The following ATP8A2 variants were observed in gnomAD, a reference collection of about 807,000 sequenced individuals.
The protein encoded by ATP8A2 is ATPase phospholipid transporting 8A2.
Under a neutral mutation model 165.6 loss-of-function variants are expected in ATP8A2, and 100 were observed. The ratio of observed to expected loss-of-function variants is 0.60; its 90% CI spans 0.51 to 0.71. The LOEUF (loss-of-function observed/expected upper bound fraction) is 0.71, where lower values mean the gene tolerates loss of function less well. Among genes scored for constraint, ATP8A2 ranks in the 30% least tolerant of loss-of-function variants. The pLI is 0.00. For missense variants in ATP8A2, 1,227 were observed against 1,479.5 expected (o/e 0.83, Z 2.80); for synonymous variants, 543 against 548.8 (o/e 0.99, Z 0.15).
At chr13:25,801,860 C>G (rs1950628808) in intron 27 of ATP8A2, among the ~76,000 whole-genome samples, 1 of 152,078 alleles carries the variant, frequency 6.6e-6, no homozygotes, top group African/African-American at 2.4e-5. Flanking sequence ...GGGAAGCATA[C>G]ATGTCCTTCT....
At chr13:25,484,361 C>T (rs980702766) in intron 2 of ATP8A2, among the ~76,000 whole-genome samples, 3 of 151,946 alleles carry the variant, frequency 2.0e-5, no homozygotes, top group Admixed American at 6.6e-5. Context: ...CTCCTTTTTT[C>T]CCTTCCATCT....
At chr13:25,763,466 C>T (rs1158585911) in intron 25 of ATP8A2, among the ~76,000 whole-genome samples, 1 of 152,070 alleles carries the variant, frequency 6.6e-6, no homozygotes, top group African/African-American at 2.4e-5. Context: ...TTACATCTAC[C>T]TTAGAACTAT....
At chr13:25,892,478 G>GTCTCTCTGTCTCTCTC (rs1555286135) in intron 33 of ATP8A2, among the ~76,000 whole-genome samples, 2 of 136,246 alleles carry the variant, frequency 1.5e-5, no homozygotes, top group East Asian at 2.1e-4. Flanking sequence ...CTGTCTCTCT[G>GTCTCTCTGTCTCTCTC]TCTCTCTCTC....
At chr13:25,516,989 C>G (rs1450581502) in intron 2 of ATP8A2, 3 of 151,844 alleles carry the variant, frequency 2.0e-5, no homozygotes, top group Non-Finnish European at 4.4e-5. Flanking sequence ...CCATGTGGGT[C>G]AGGCTGGCCT....
At chr13:25,649,093 T>C (rs2041749650) in intron 24 of ATP8A2, 2 of 476,276 alleles carry the variant, frequency 4.2e-6, no homozygotes, top group Non-Finnish European at 8.4e-6. Context: ...CTTGTGTCCT[T>C]GCGTTGGTGT....
chr13:25,873,409 G>A (rs1952732126), intron 33 of ATP8A2, among the ~76,000 whole-genome samples: 1 of 152,214 alleles, frequency 6.6e-6, no homozygotes, highest in Non-Finnish European at 1.5e-5. Context: ...GGTCATACTT[G>A]TGTCACACTG....
intron 35 of ATP8A2, among the ~76,000 whole-genome samples, chr13:25,991,047 C>T (rs1240089511): frequency 1.3e-5 from 2 of 152,108 alleles, no homozygotes; most frequent in African/African-American, 4.8e-5. Context: ...AATTCTTTGC[C>T]TGCTCAGCTA....
At chr13:25,644,846 GT>G (rs2041629479) in intron 24 of ATP8A2, among the ~76,000 whole-genome samples, 2 of 152,168 alleles carry the variant, frequency 1.3e-5, no homozygotes, top group Admixed American at 1.3e-4. Context: ...AATATAATTT[GT>G]TCATAATGTT....
rs369472664 is a variant in ATP8A2, at chr13:25,452,814, G to T, written c.77-16163G>T. ...TTTGAATTAAAAATAACTTAGGGTA[G>T]GCTGGGAGGATCGCTCACATCTGTA... On this transcript the variant is annotated intron_variant, in intron 1 of 36. Transcript: ENST00000381655. 4.1e-4 allele frequency among the ~76,000 whole-genome samples: 63 copies of T among 152,204 alleles called. No individual in the cohort carries two copies. The East Asian group carries it at 6.0e-3, about 15-fold the overall frequency.
intron 34 of ATP8A2, among the ~76,000 whole-genome samples, chr13:25,965,882 TGG>T (rs1955765340): frequency 6.6e-6 from 1 of 152,176 alleles, no homozygotes; most frequent in South Asian, 2.1e-4. Flanking sequence ...TATACACAAA[TGG>T]GCCTTGATTT....
At chr13:25,582,779 G>T (rs867850210) in intron 23 of ATP8A2, among the ~76,000 whole-genome samples, 1 of 152,126 alleles carries the variant, frequency 6.6e-6, no homozygotes, top group Non-Finnish European at 1.5e-5. Context: ...TAATCCAATG[G>T]TGTCCCTTTC....
At chr13:25,570,632 T>A in intron 16 of ATP8A2, 135 bp from the exon 17 acceptor site, 1 of 608,072 alleles carries the variant, frequency 1.6e-6, no homozygotes. Context: ...GGATCTGAGG[T>A]CCATATTAAG....
chr13:25,872,067 C>A (rs1952695497), intron 33 of ATP8A2, among the ~76,000 whole-genome samples: 1 of 133,080 alleles, frequency 7.5e-6, no homozygotes, highest in Non-Finnish European at 1.6e-5. Flanking sequence ...CGCCCTCTTT[C>A]GGAATGCGCA....
chr13:25,600,594 A>G (rs2040357620), intron 24 of ATP8A2, among the ~76,000 whole-genome samples: 1 of 152,166 alleles, frequency 6.6e-6, no homozygotes, highest in Non-Finnish European at 1.5e-5. Context: ...GAGTCAGAGC[A>G]CTATTGCTGC....
At chr13:25,762,527 C>T (rs553218623) in intron 25 of ATP8A2, among the ~76,000 whole-genome samples, 1 of 152,268 alleles carries the variant, frequency 6.6e-6, no homozygotes, top group East Asian at 1.9e-4. Flanking sequence ...TTCAGAATTG[C>T]ACACTAATAG....
At position 25,372,411 on chromosome 13, in the gene ATP8A2, C is replaced by T. The variant is rs1435973019; in HGVS notation, c.76+123C>T. On this transcript the variant is annotated intron_variant, in intron 1 of 36. Transcript: ENST00000381655. The surrounding 1 kb of genome is among the most constrained non-coding windows in gnomAD (Gnocchi z 4.8). ...CTCCCCTCCCTGGGCTCCCTGGGCT[C>T]TCTGGGCTGCAGGATCCGCCGACGC... 2 of 675,720 alleles carry T rather than the reference C, an allele frequency of 3.0e-6. No homozygotes were observed. The allele number at this position is 675,720 out of a possible 1,614,324, so 41.9% of individuals were successfully genotyped here. A position where few individuals can be genotyped will look rare whatever the true frequency, so the allele number is the denominator to read the frequency against.
At chr13:25,658,202 T>A (rs1219894031) in intron 24 of ATP8A2, among the ~76,000 whole-genome samples, 1 of 152,212 alleles carries the variant, frequency 6.6e-6, no homozygotes, top group Non-Finnish European at 1.5e-5. Context: ...ATTATCTAAG[T>A]TGTATTACTT....
intron 15 of ATP8A2, among the ~76,000 whole-genome samples, chr13:25,562,905 C>T (rs1287631471): frequency 6.6e-6 from 1 of 152,162 alleles, no homozygotes; most frequent in Non-Finnish European, 1.5e-5. Flanking sequence ...GCTGTGCTGT[C>T]TTCCTCCTTC....
At position 25,438,717 on chromosome 13, in the gene ATP8A2, T is replaced by C. The variant is rs191948957; in HGVS notation, c.77-30260T>C. Among the ~76,000 whole-genome samples, 117 of 152,224 alleles carry C rather than the reference T, an allele frequency of 7.7e-4. 1 individual carries two copies. Among genetic ancestry groups the C allele is most frequent in the African/African-American group, 2.7e-3 (114 of 41,550 alleles). On this transcript the variant is annotated intron_variant, in intron 1 of 36. Coordinates refer to ENST00000381655, the MANE Select transcript of ATP8A2 (RefSeq NM_016529.6). Reference sequence around the variant, plus strand: ...GAAAGAAAAGAACATACAATCCCCATCTCCCAGCTTTGAACCAAGTTTGTT... The same window carrying C: ...GAAAGAAAAGAACATACAATCCCCACCTCCCAGCTTTGAACCAAGTTTGTT...
Sources: gnomAD v4.1 joint callset for allele counts (sites outside exome capture counted in the v4.1 genomes callset) on GRCh38, gnomAD v4.1.1 for gene constraint, Gnocchi (gnomAD v3.1) non-coding constraint, MANE v1.5 for transcripts, NCBI Gene and HGNC (gene_info 2026-07-23, HGNC 2026-07-21) for gene names.